The following FBXL17 variants were observed in gnomAD, a reference collection of about 807,000 sequenced individuals.
FBXL17 encodes the protein F-box/LRR-repeat protein 17.
A neutral mutation model predicts 66.2 loss-of-function variants in FBXL17; 22 were observed. The ratio of observed to expected loss-of-function variants is 0.33; its 90% confidence interval spans 0.24 to 0.47. The LOEUF (loss-of-function observed/expected upper bound fraction) is 0.47, where lower values mean the gene tolerates loss of function less well. Ranked by LOEUF, FBXL17 falls within the 20% of genes least tolerant of loss-of-function variation. FBXL17 has a pLI of 1.00. For missense variants in FBXL17, 878 were observed against 948.2 expected (o/e 0.93, Z 0.97); for synonymous variants, 474 against 400.5 (o/e 1.18, Z -2.19).
chr5:108,120,292 T>C (rs1189853151), intron 6 of FBXL17, among the ~76,000 whole-genome samples: 1 of 152,170 alleles, frequency 6.6e-6, no homozygotes, highest in Admixed American at 6.5e-5. Flanking sequence ...AGATGGAAGT[T>C]CTGTAAATAA....
At chr5:108,099,329 G>C (rs1262235712) in intron 6 of FBXL17, among the ~76,000 whole-genome samples, 1 of 152,110 alleles carries the variant, frequency 6.6e-6, no homozygotes, top group Admixed American at 6.6e-5. Context: ...CTTAGGCTAG[G>C]CCTGAGAATT....
Position 108,381,842 on chromosome 5 carries a change from CG to C in FBXL17, c.-152del. The C allele has an allele frequency of 7.8e-7, 1 of 1,286,726 alleles. No homozygotes were observed. The highest frequency in any genetic ancestry group is 9.8e-7 in the Non-Finnish European group (1 of 1,016,956). The allele number at this position is 1,286,726 out of a possible 1,614,324, so 79.7% of individuals were successfully genotyped here. Reference sequence around the variant, plus strand: ...CACGCACACACGGGCACACACGCGACGGTGGGGGGTGGGCGTCAGCTGCGGG... The same window carrying C: ...CACGCACACACGGGCACACACGCGACGTGGGGGGTGGGCGTCAGCTGCGGG... On this transcript the variant is annotated 5_prime_UTR_variant, in exon 1 of 9. Coordinates refer to ENST00000542267, the MANE Select transcript of FBXL17 (RefSeq NM_001163315.3).
At chr5:108,025,729 A>ACGCG (rs1264194644) in intron 6 of FBXL17, among the ~76,000 whole-genome samples, 30 of 107,458 alleles carry the variant, frequency 2.8e-4, no homozygotes, top group African/African-American at 1.4e-3. Flanking sequence ...GCGCGCGCGC[A>ACGCG]CACACACACA....
At chr5:108,035,372 T>A (rs1746800807) in intron 6 of FBXL17, among the ~76,000 whole-genome samples, 1 of 152,136 alleles carries the variant, frequency 6.6e-6, no homozygotes, top group Non-Finnish European at 1.5e-5. Flanking sequence ...TTTGTTTGTT[T>A]TTTTCTTTTC....
intron 6 of FBXL17, among the ~76,000 whole-genome samples, chr5:108,037,016 G>C (rs1412540734): frequency 6.6e-6 from 1 of 152,114 alleles, no homozygotes; most frequent in Non-Finnish European, 1.5e-5. Context: ...ATTAAAAGGA[G>C]AAAAGGCTGC....
intron 6 of FBXL17, among the ~76,000 whole-genome samples, chr5:108,021,761 G>A (rs78140532): frequency 0.013 from 1,926 of 151,800 alleles, 38 homozygotes; most frequent in African/African-American, 0.044. Context: ...TTGTGGCTCA[G>A]TTTCCTATAA....
intron 4 of FBXL17, among the ~76,000 whole-genome samples, chr5:108,250,165 C>A (rs773565149): frequency 2.0e-5 from 3 of 152,096 alleles, no homozygotes; most frequent in Non-Finnish European, 4.4e-5. Context: ...AGAAAGAATG[C>A]ATAATTTTGA....
chr5:108,047,429 G>A (rs1318531346), intron 6 of FBXL17, among the ~76,000 whole-genome samples: 1 of 152,208 alleles, frequency 6.6e-6, no homozygotes, highest in African/African-American at 2.4e-5. Flanking sequence ...AGGTCCCCAG[G>A]GGGAGGGGTG....
intron 6 of FBXL17, among the ~76,000 whole-genome samples, chr5:108,058,126 C>G (rs763723527): frequency 6.6e-6 from 1 of 152,160 alleles, no homozygotes; most frequent in African/African-American, 2.4e-5. Flanking sequence ...AGTGAACACT[C>G]GGTAGTAATG....
intron 1 of FBXL17, among the ~76,000 whole-genome samples, chr5:108,368,813 A>T (rs1021827136): frequency 1.3e-5 from 2 of 152,112 alleles, no homozygotes; most frequent in African/African-American, 4.8e-5. Flanking sequence ...AATAAGTCTC[A>T]GGACCCCAAA....
intron 4 of FBXL17, among the ~76,000 whole-genome samples, chr5:108,288,511 A>C (rs1218145266): frequency 7.3e-6 from 1 of 137,658 alleles, no homozygotes; most frequent in Non-Finnish European, 1.6e-5. Flanking sequence ...AGTTACAAAA[A>C]GGAGGGAAAA....
intron 6 of FBXL17, among the ~76,000 whole-genome samples, chr5:108,093,311 C>T (rs572521844): frequency 5.3e-5 from 8 of 151,242 alleles, no homozygotes; most frequent in South Asian, 2.1e-4. Context: ...TTGTTGCAGA[C>T]GGTTATGTTC....
At chr5:108,118,030 A>T (rs925933593) in intron 6 of FBXL17, among the ~76,000 whole-genome samples, 3 of 152,162 alleles carry the variant, frequency 2.0e-5, no homozygotes, top group Non-Finnish European at 4.4e-5. Flanking sequence ...GCATTACCAC[A>T]TAATACCTGG....
chr5:108,320,619 T>C (rs1276386042), intron 4 of FBXL17, among the ~76,000 whole-genome samples: 1 of 151,876 alleles, frequency 6.6e-6, no homozygotes, highest in East Asian at 1.9e-4. Flanking sequence ...TTTAAACATT[T>C]AAATCTGAGG....
At chr5:108,071,220 C>T (rs953400140) in intron 6 of FBXL17, among the ~76,000 whole-genome samples, 18 of 152,180 alleles carry the variant, frequency 1.2e-4, no homozygotes, top group African/African-American at 4.3e-4. Flanking sequence ...CCAAAATGTG[C>T]ACTTTAGTAT....
intron 4 of FBXL17, among the ~76,000 whole-genome samples, chr5:108,333,645 A>C (rs1308332066): frequency 6.6e-6 from 1 of 152,100 alleles, no homozygotes; most frequent in Non-Finnish European, 1.5e-5. Context: ...TCAATTCTCA[A>C]TTTATCAACA....
chr5:107,960,316 G>A (rs780598401), intron 7 of FBXL17, among the ~76,000 whole-genome samples: 1 of 151,952 alleles, frequency 6.6e-6, no homozygotes, highest in Non-Finnish European at 1.5e-5. Context: ...TTTTTGTGGT[G>A]AGAACATTGG....
chr5:107,879,425 G>A (rs1748710993), intron 8 of FBXL17: 8 of 985,464 alleles, frequency 8.1e-6, no homozygotes, highest in Non-Finnish European at 9.6e-6. Context: ...AGGTTGGTTA[G>A]TGGAAAGATT....
At chr5:108,042,846 C>A (rs948664253) in intron 6 of FBXL17, among the ~76,000 whole-genome samples, 1 of 152,164 alleles carries the variant, frequency 6.6e-6, no homozygotes, top group African/African-American at 2.4e-5. Flanking sequence ...CACTCTTTAA[C>A]ACTTTAACAA....
Sources: allele counts gnomAD v4.1 joint callset (sites outside exome capture counted in the v4.1 genomes callset), GRCh38; gene constraint gnomAD v4.1.1; transcripts MANE v1.5; gene names NCBI Gene and HGNC (gene_info 2026-07-23, HGNC 2026-07-21).